Variants in SP140 observed in about 807,000 individuals in gnomAD.
SP140 encodes SP140 nuclear body protein, also known as nuclear body protein SP140.
A neutral mutation model predicts 125.0 loss-of-function variants in SP140; 81 were observed. That is an observed-to-expected ratio of 0.65 (90% CI 0.54 to 0.78). The LOEUF is 0.78. Among genes scored for constraint, SP140 ranks in the 30% least tolerant of loss-of-function variants. SP140 has a pLI of 0.00. For missense variants in SP140, 858 were observed against 1,037.0 expected, an observed-to-expected ratio of 0.83 and a Z score of 2.37; for synonymous variants, 312 against 354.0, an observed-to-expected ratio of 0.88 and a Z score of 1.33.
At chr2:230,275,641 A>G (rs1359447773) in intron 15 of SP140, among the ~76,000 whole-genome samples, 2 of 152,248 alleles carry the variant, frequency 1.3e-5, no homozygotes, top group East Asian at 1.9e-4. Context: ...TAATCCTACA[A>G]TGGCCTCTAA....
In SP140 at chr2:230,309,919, T is replaced by A; in HGVS notation, c.2059-5T>A. 2 of 1,613,426 alleles carry A rather than the reference T, an allele frequency of 1.2e-6. No homozygotes were observed. Among genetic ancestry groups the A allele is most frequent in the Non-Finnish European group, 1.7e-6 (2 of 1,179,964 alleles). ...CAGTGACGTGGACACTGTTTTATCT[T>A]CTAGATGAGAAACCTGGATGAGTGT... On this transcript the variant is annotated splice_polypyrimidine_tract_variant and splice_region_variant and intron_variant, in intron 22 of 26. Coordinates refer to ENST00000392045, the MANE Select transcript of SP140 (RefSeq NM_007237.5).
intron 24 of SP140, 148 bp downstream of exon 24, chr2:230,310,999 C>T (rs2059283993): frequency 1.2e-6 from 1 of 850,228 alleles, no homozygotes; most frequent in South Asian, 1.8e-5. Flanking sequence ...ACCTTGTTTG[C>T]ACAAAAAATA....
intron 22 of SP140, among the ~76,000 whole-genome samples, chr2:230,297,970 G>T (rs1480157087): frequency 6.6e-6 from 1 of 152,220 alleles, no homozygotes; most frequent in East Asian, 1.9e-4. Flanking sequence ...CCTGTCATTA[G>T]CCCTGTAAAG....
In SP140 at chr2:230,294,301, C is replaced by G. The variant is rs778717233; in HGVS notation, c.1999C>G (p.Arg667Gly). 1.2e-6 allele frequency: 2 copies of G among 1,610,964 alleles called. No homozygotes were observed. Among genetic ancestry groups the G allele is most frequent in the African/African-American group, 2.7e-5 (2 of 74,732 alleles). ...NGFLPDPPRI[R>G]YRKKKRILKS... ...ATTTCTGCCTGATCCTCCAAGAATA[C>G]GTTACAGGAAAAAAAAGGTGATTAT... The change falls in exon 21 of 27, where the codon CGT (arginine) becomes GGT (glycine). Residue 667 changes from arginine to glycine, a missense_variant. Physicochemically the swap from Arg to Gly is moderately radical, Grantham distance 125 (BLOSUM62 -2). Around this residue, in one of 4 missense-constraint regions of SP140, gnomAD observed 791 missense variants for 869.5 expected, o/e 0.91. Transcript: ENST00000392045.
chr2:230,283,614 CT>C (rs1228969632), intron 15 of SP140, among the ~76,000 whole-genome samples: 1 of 152,178 alleles, frequency 6.6e-6, no homozygotes, highest in African/African-American at 2.4e-5. Flanking sequence ...TGATCCCTTT[CT>C]GGAGATTGCT....
chr2:230,304,078 A>G (rs1178966390), intron 22 of SP140, among the ~76,000 whole-genome samples: 2 of 152,254 alleles, frequency 1.3e-5, no homozygotes, highest in Non-Finnish European at 2.9e-5. Context: ...AAATCAATAT[A>G]TACAAATCAA....
chr2:230,246,543 G>C (rs1258946714), intron 7 of SP140, among the ~76,000 whole-genome samples: 1 of 152,188 alleles, frequency 6.6e-6, no homozygotes, highest in African/African-American at 2.4e-5. Context: ...GTGAAAGACT[G>C]TTGAAATGAA....
chr2:230,289,040 C>T (rs1282118275), intron 18 of SP140, among the ~76,000 whole-genome samples: 2 of 152,198 alleles, frequency 1.3e-5, no homozygotes, highest in African/African-American at 2.4e-5. Context: ...GAGGAATCGC[C>T]ACACTGTCTT....
In SP140 at chr2:230,312,741, G is replaced by T. The variant is rs2059427470; in HGVS notation, c.*57G>T. 5 of 1,310,864 alleles carry T rather than the reference G, an allele frequency of 3.8e-6. No homozygotes were observed. The highest frequency in any genetic ancestry group is 1.7e-5 in the Admixed American group (1 of 58,004). 81.2% of individuals were successfully genotyped at this position (1,310,864 alleles called of 1,614,324 possible). On this transcript the variant is annotated 3_prime_UTR_variant, in exon 27 of 27. Transcript: ENST00000392045. ...AATGGCACCCTAAAATATGCCGCTG[G>T]TTTGCCACTGACTTCAAAATGAGGT...
intron 1 of SP140, among the ~76,000 whole-genome samples, chr2:230,230,091 G>T (rs1048185678): frequency 2.6e-5 from 4 of 152,196 alleles, no homozygotes; most frequent in African/African-American, 9.7e-5. Flanking sequence ...GCAGGAGAGA[G>T]AGAATTTAAT....
Position 230,225,973 on chromosome 2 carries a change from A to G in SP140, c.59+70A>G, listed in dbSNP as rs982417860. On this transcript the variant is annotated intron_variant, in intron 1 of 26. Transcript: ENST00000392045. ...GGTTCCCTTTCATACTTGTTATTTA[A>G]TGTCTACCCAGCTTCACTCTACAGG... 1.0e-5 allele frequency: 12 copies of G among 1,198,452 alleles called. No homozygotes were observed. In the African/African-American group the frequency reaches 1.5e-4, roughly 15 times the overall value. 74.2% of individuals were successfully genotyped at this position (1,198,452 alleles called of 1,614,324 possible).
At chr2:230,302,871 T>G (rs2058418314) in intron 22 of SP140, among the ~76,000 whole-genome samples, 1 of 152,034 alleles carries the variant, frequency 6.6e-6, no homozygotes, top group Non-Finnish European at 1.5e-5. Flanking sequence ...ACGACAATAA[T>G]GACACAAGCT....
intron 7 of SP140, among the ~76,000 whole-genome samples, chr2:230,246,983 C>G (rs1303907169): frequency 2.0e-5 from 3 of 152,078 alleles, no homozygotes; most frequent in African/African-American, 7.2e-5. Flanking sequence ...AGGGAAGATT[C>G]ACTAGACAGA....
At chr2:230,286,865 C>T (rs1001221540) in intron 17 of SP140, among the ~76,000 whole-genome samples, 3 of 152,060 alleles carry the variant, frequency 2.0e-5, no homozygotes, top group African/African-American at 7.2e-5. Flanking sequence ...ACTTTGGTGG[C>T]CTAATATGCT....
upstream of SP140, among the ~76,000 whole-genome samples, chr2:230,222,400 T>G (rs1236041648): frequency 6.6e-6 from 1 of 152,174 alleles, no homozygotes; most frequent in African/African-American, 2.4e-5. Context: ...TTTTACCAAA[T>G]GTAGTTACTA....
intron 14 of SP140, 24 bp downstream of exon 14, chr2:230,269,977 G>T (rs1382899764): frequency 1.3e-6 from 2 of 1,542,796 alleles, no homozygotes; most frequent in Non-Finnish European, 1.8e-6. Flanking sequence ...AGGGCCGTGG[G>T]ATGGGGGTGG....
intron 3 of SP140, chr2:230,216,836 A>G (rs200872459): frequency 6.2e-7 from 1 of 1,614,122 alleles, no homozygotes; most frequent in Non-Finnish European, 8.5e-7. Flanking sequence ...AAAGAAGGGA[A>G]ATGGCTTGTG....
chr2:230,218,919 C>T lies in SP140; in HGVS notation c.-91+4845C>T, dbSNP rs576032951. Among the ~76,000 whole-genome samples the T allele has an allele frequency of 2.5e-4, 38 of 152,214 alleles. 1 individual carries two copies. The highest frequency in any genetic ancestry group is 8.2e-4 in the African/African-American group (34 of 41,534). ...ATGAATAATACGATAAGCATGTTAA[C>T]TAGCTAGTAGAAAGCATAAAGAAGG... On this transcript the variant is annotated intron_variant, in intron 3 of 4. Transcript: ENST00000456542.
chr2:230,310,472 T>C (rs2059239792), intron 23 of SP140: 2 of 729,158 alleles, frequency 2.7e-6, no homozygotes, highest in Non-Finnish European at 4.4e-6. Flanking sequence ...CAGGGTTCCC[T>C]GTGCTCCCAG....
Sources: allele counts gnomAD v4.1 joint callset (sites outside exome capture counted in the v4.1 genomes callset), GRCh38; gene constraint gnomAD v4.1.1; regional missense constraint gnomAD v4.1.1; transcripts MANE v1.5; gene names NCBI Gene and HGNC (gene_info 2026-07-23, HGNC 2026-07-21).